Variants in NUP93 observed in about 807,000 individuals in gnomAD.
NUP93 encodes the protein nucleoporin 93.
A neutral mutation model predicts 107.8 loss-of-function variants in NUP93; 55 were observed. The observed-to-expected ratio is 0.51, with a 90% CI of 0.41 to 0.64. NUP93 has a LOEUF of 0.64. NUP93 is among the 30% of genes least tolerant of loss of function. The pLI is 0.00. For synonymous variants in NUP93, 390 were observed against 397.5 expected (o/e 0.98, Z 0.22); for missense variants, 937 against 1,044.7 (o/e 0.90, Z 1.42).
chr16:56,837,514 GA>G, intron 17 of NUP93, 93 bp from the exon 18 acceptor site: 1 of 1,009,050 alleles, frequency 9.9e-7, no homozygotes, highest in Non-Finnish European at 1.5e-6. Context: ...TGTCACCCCA[GA>G]AAGTTCTCTT....
chr16:56,814,707 C>T (rs1237442653), intron 5 of NUP93, among the ~76,000 whole-genome samples: 1 of 152,190 alleles, frequency 6.6e-6, no homozygotes, highest in Non-Finnish European at 1.5e-5. Flanking sequence ...TGCTGTTTTT[C>T]CACATATCTG....
rs754262847 is a variant in NUP93, at chr16:56,841,762, T to C, written c.2278T>C (p.Phe760Leu). ...LATMNILFTQFKRLKGTSPSS... is the reference protein window; with the variant it reads ...LATMNILFTQLKRLKGTSPSS... ...CACCATGAACATCTTGTTCACACAG[T>C]TTAAGAGGCTCAAGGGGACAAGTCC... is the stretch of plus-strand genomic sequence containing the variant. The change falls in exon 21 of 22, where the codon TTT becomes CTT. Residue 760 changes from phenylalanine (F) to leucine (L), a missense_variant. By Grantham distance (22) the Phe-to-Leu change is conservative (BLOSUM62 0). Transcript: ENST00000308159. 6.2e-6 allele frequency: 10 copies of C among 1,614,084 alleles called. No individual in the cohort carries two copies. Among genetic ancestry groups the C allele is most frequent in the Non-Finnish European group, 7.6e-6 (9 of 1,180,032 alleles).
At chr16:56,782,030 C>A in intron 3 of NUP93, 2 of 985,424 alleles carry the variant, frequency 2.0e-6, no homozygotes, top group Non-Finnish European at 2.4e-6. Context: ...CCTTTTTCTT[C>A]TTTCTCTCTT....
intron 6 of NUP93, among the ~76,000 whole-genome samples, chr16:56,820,553 G>A (rs574673696): frequency 6.6e-5 from 10 of 152,324 alleles, no homozygotes; most frequent in African/African-American, 2.4e-4. Flanking sequence ...CTGACCTCAG[G>A]TGATCCACCT....
chr16:56,752,518 G>A (rs1961941582), intron 2 of NUP93, among the ~76,000 whole-genome samples: 1 of 152,068 alleles, frequency 6.6e-6, no homozygotes, highest in Non-Finnish European at 1.5e-5. Context: ...TAAGAAAGCA[G>A]GTGAAAGACA....
At chr16:56,765,893 T>G (rs117384523) in intron 3 of NUP93, among the ~76,000 whole-genome samples, 1,875 of 152,330 alleles carry the variant, frequency 0.012, 59 homozygotes, top group Admixed American at 0.073. Flanking sequence ...TTTTTCTGCC[T>G]GTCCATGATA....
chr16:56,759,268 G>A (rs1333087998), intron 3 of NUP93, among the ~76,000 whole-genome samples: 1 of 152,246 alleles, frequency 6.6e-6, no homozygotes, highest in Non-Finnish European at 1.5e-5. Flanking sequence ...TTTAGTTTTT[G>A]AGGAATTGGA....
At chr16:56,743,469 T>A (rs1397477753) in intron 1 of NUP93, among the ~76,000 whole-genome samples, 1 of 152,146 alleles carries the variant, frequency 6.6e-6, no homozygotes, top group Admixed American at 6.6e-5. Flanking sequence ...ATCCTCTAGG[T>A]GTGGTGAAGA....
intron 7 of NUP93, 123 bp downstream of exon 7, chr16:56,821,716 G>T: frequency 3.4e-6 from 2 of 587,572 alleles, no homozygotes; most frequent in East Asian, 2.8e-5. Flanking sequence ...AATGTTAACT[G>T]TTCTTCAGTT....
chr16:56,794,131 T>C (rs1962835188), intron 3 of NUP93, among the ~76,000 whole-genome samples: 2 of 152,164 alleles, frequency 1.3e-5, no homozygotes, highest in South Asian at 4.1e-4. Context: ...GATAGATAGA[T>C]GTGTTATTAT....
At chr16:56,761,692 C>A (rs1423960459) in intron 3 of NUP93, among the ~76,000 whole-genome samples, 2 of 152,156 alleles carry the variant, frequency 1.3e-5, no homozygotes, top group Non-Finnish European at 2.9e-5. Context: ...TTGACAAGTA[C>A]CGTCCAGGAC....
intron 15 of NUP93, 100 bp from the exon 16 acceptor site, chr16:56,834,634 C>A: frequency 2.6e-6 from 3 of 1,136,276 alleles, no homozygotes; most frequent in Non-Finnish European, 1.3e-6. Flanking sequence ...AAGACTTATC[C>A]CATTCATCCC....
intron 7 of NUP93, among the ~76,000 whole-genome samples, chr16:56,823,043 G>A (rs2895432): frequency 0.092 from 14,060 of 152,240 alleles, 676 homozygotes; most frequent in East Asian, 0.15. Flanking sequence ...CAGGGAACAC[G>A]TTGTTTTTAA....
chr16:56,798,654 G>C, intron 4 of NUP93, 116 bp downstream of exon 4: 1 of 828,376 alleles, frequency 1.2e-6, no homozygotes, highest in Non-Finnish European at 2.0e-6. Flanking sequence ...GTTCGCTTGA[G>C]CCCAGGAATT....
rs1048535287 is a variant in NUP93, at chr16:56,850,227, G to A, written c.*5618G>A. Reference sequence around the variant, plus strand: ...GTACAGTAACTTCTGCATTTACTCTGTTTAGGATGGTTCCTTCACCACTAT... The same window carrying A: ...GTACAGTAACTTCTGCATTTACTCTATTTAGGATGGTTCCTTCACCACTAT... On this transcript the variant is annotated 3_prime_UTR_variant, in exon 22 of 22. Transcript: ENST00000308159. The A allele has an allele frequency of 6.6e-5, 10 of 152,306 alleles. No individual in the cohort carries two copies. The highest frequency in any genetic ancestry group is 2.4e-4 in the African/African-American group (10 of 41,554). 9.4% of individuals were successfully genotyped at this position (152,306 alleles called of 1,614,324 possible). A position where few individuals can be genotyped will look rare whatever the true frequency, so the allele number is the denominator to read the frequency against.
intron 9 of NUP93, among the ~76,000 whole-genome samples, chr16:56,829,564 G>A (rs1161830580): frequency 6.6e-6 from 1 of 152,204 alleles, no homozygotes; most frequent in Non-Finnish European, 1.5e-5. Context: ...TATGCAAAGG[G>A]TGGCAGGATA....
intron 1 of NUP93, among the ~76,000 whole-genome samples, chr16:56,745,636 A>G (rs1432752644): frequency 6.6e-6 from 1 of 152,142 alleles, no homozygotes; most frequent in African/African-American, 2.4e-5. Flanking sequence ...GGTTGATTGG[A>G]TGTAGGATGT....
At chr16:56,806,846 C>T (rs1160367503) in intron 5 of NUP93, among the ~76,000 whole-genome samples, 1 of 152,164 alleles carries the variant, frequency 6.6e-6, no homozygotes, top group African/African-American at 2.4e-5. Context: ...TATACAAGGG[C>T]TTGACTACCA....
rs1312386881 is a variant in NUP93 at position 56,833,321 on chromosome 16, G to C, written c.1452G>C (p.Arg484=). ...AAVAFLFRME[R]LRCHAVHVAL... is the part of the protein sequence containing the mutation. ...TTGCCTTTCTTTTCCGCATGGAGCG[G>C]CTGCGCTGCCATGCTGTCCATGTAG... The change falls in exon 13 of 22, where the codon CGG becomes CGC. Residue 484 remains arginine (R), a synonymous_variant. Coordinates refer to ENST00000308159, the MANE Select transcript of NUP93 (RefSeq NM_014669.5). 1 of 1,607,350 alleles carries C rather than the reference G, an allele frequency of 6.2e-7. No individual in the cohort carries two copies. Among genetic ancestry groups the C allele is most frequent in the East Asian group, 2.3e-5 (1 of 44,428 alleles).
Sources: gnomAD v4.1 joint callset for allele counts (sites outside exome capture counted in the v4.1 genomes callset) on GRCh38, gnomAD v4.1.1 for gene constraint, MANE v1.5 for transcripts, NCBI Gene and HGNC (gene_info 2026-07-23, HGNC 2026-07-21) for gene names.